Variants in SPTBN1 observed in about 807,000 individuals in gnomAD.
SPTBN1 encodes spectrin beta, non-erythrocytic 1, also known as spectrin beta chain, non-erythrocytic 1.
Under a neutral mutation model 266.4 loss-of-function variants are expected in SPTBN1, and 32 were observed. The ratio of observed to expected loss-of-function variants is 0.12; its 90% CI spans 0.09 to 0.16. SPTBN1 has a LOEUF of 0.16. Ranked by LOEUF, SPTBN1 falls within the 10% of genes least tolerant of loss-of-function variation. SPTBN1 has a pLI of 1.00. For missense variants in SPTBN1, 2,296 were observed against 3,067.1 expected (o/e 0.75, Z 5.94); for synonymous variants, 1,336 against 1,162.2 (o/e 1.15, Z -3.04).
chr2:54,656,006 T>A lies in SPTBN1; in HGVS notation c.6046+8T>A. Reference sequence around the variant, plus strand: ...GGGAATGGTTAAGACTGAGTAAGGATGTAGTTTATCTTTCTGCTCTTTTGG... The same window carrying A: ...GGGAATGGTTAAGACTGAGTAAGGAAGTAGTTTATCTTTCTGCTCTTTTGG... On this transcript the variant is annotated splice_region_variant and intron_variant, in intron 29 of 35. Coordinates refer to ENST00000356805, the MANE Select transcript of SPTBN1 (RefSeq NM_003128.3). 6.2e-7 allele frequency: 1 copy of A among 1,607,962 alleles called. No individual in the cohort carries two copies. The highest frequency in any genetic ancestry group is 1.3e-5 in the African/African-American group (1 of 74,930).
At chr2:54,576,636 C>T (rs746524216) in intron 2 of SPTBN1, among the ~76,000 whole-genome samples, 17 of 152,084 alleles carry the variant, frequency 1.1e-4, no homozygotes, top group African/African-American at 2.9e-4. Flanking sequence ...GAATAAGTGC[C>T]GTGGAAGAAG....
At chr2:54,583,978 A>G (rs1414162269) in intron 2 of SPTBN1, among the ~76,000 whole-genome samples, 1 of 152,254 alleles carries the variant, frequency 6.6e-6, no homozygotes, top group Non-Finnish European at 1.5e-5. Context: ...GAAAACCAGC[A>G]GTGTATTCAT....
rs773053788 is a variant in SPTBN1, at chr2:54,645,637, C to T, written c.4494+184C>T. ...TCACCCTAAATGTAACTCCATTGGT[C>T]CTCTCACGTTATCTAGGGATACTGT... On this transcript the variant is annotated intron_variant, in intron 21 of 35. Coordinates refer to ENST00000356805, the MANE Select transcript of SPTBN1 (RefSeq NM_003128.3). The surrounding 1 kb of genome is among the most constrained non-coding windows in gnomAD (Gnocchi z 4.3). Among the ~76,000 whole-genome samples the T allele has an allele frequency of 6.6e-6, 1 of 152,184 alleles. No homozygotes were observed. The highest frequency in any genetic ancestry group is 1.5e-5 in the Non-Finnish European group (1 of 68,036).
At chr2:54,561,674 T>A (rs975867795) in intron 2 of SPTBN1, among the ~76,000 whole-genome samples, 1 of 150,212 alleles carries the variant, frequency 6.7e-6, no homozygotes, top group African/African-American at 2.4e-5. Flanking sequence ...ATTTATAGTT[T>A]ATAAATTTAT....
chr2:54,487,200 T>TCA (rs34214801), intron 1 of SPTBN1, among the ~76,000 whole-genome samples: 28,590 of 144,032 alleles, frequency 0.2, 3,763 homozygotes, highest in East Asian at 0.37. Context: ...TGCTGCTTTT[T>TCA]AACTTTTTCA....
intron 29 of SPTBN1, among the ~76,000 whole-genome samples, chr2:54,656,452 T>G (rs977571310): frequency 2.6e-5 from 4 of 152,238 alleles, no homozygotes; most frequent in Admixed American, 6.5e-5. Flanking sequence ...TTTAATGTAT[T>G]TCTGTGTTTA....
chr2:54,579,824 G>C (rs1271486477), intron 2 of SPTBN1, among the ~76,000 whole-genome samples: 1 of 152,206 alleles, frequency 6.6e-6, no homozygotes, highest in African/African-American at 2.4e-5. Context: ...TAGTGAGAGA[G>C]AGAGATCCTA....
At chr2:54,496,572 G>A (rs1011101548) in intron 1 of SPTBN1, among the ~76,000 whole-genome samples, 2 of 151,812 alleles carry the variant, frequency 1.3e-5, no homozygotes, top group South Asian at 4.2e-4. Context: ...AGTTCTAGAT[G>A]TAAGTTCAGT....
At chr2:54,509,991 C>G (rs1417861597) in intron 1 of SPTBN1, among the ~76,000 whole-genome samples, 1 of 148,078 alleles carries the variant, frequency 6.8e-6, no homozygotes, top group Non-Finnish European at 1.5e-5. Flanking sequence ...AGGGGTCTCA[C>G]TCTGTCACCC....
chr2:54,558,061 C>G lies in SPTBN1; in HGVS notation c.148+31495C>G. 1 of 985,430 alleles carries G rather than the reference C, an allele frequency of 1.0e-6. No homozygotes were observed. The highest frequency in any genetic ancestry group is 1.2e-6 in the Non-Finnish European group (1 of 829,928). The allele number at this position is 985,430 out of a possible 1,614,324, so 61.0% of individuals were successfully genotyped here. A position where few individuals can be genotyped will look rare whatever the true frequency, so the allele number is the denominator to read the frequency against. ...CAGGCCGTCCCGTGGGCGCGCTAGC[C>G]TTTTCAAGTGATAGTAATCGGAGAC... On this transcript the variant is annotated intron_variant, in intron 2 of 35. Transcript: ENST00000356805. This position sits in a 1 kb window ranked among gnomAD's most constrained non-coding sequence, Gnocchi z 4.6.
Position 54,526,261 on chromosome 2 carries a change from C to T in SPTBN1, c.-47-111C>T, listed in dbSNP as rs1043782717. 18 of 837,080 alleles carry T rather than the reference C, an allele frequency of 2.2e-5. No homozygotes were observed. In the African/African-American group the frequency reaches 3.1e-4, roughly 14 times the overall value. The allele number at this position is 837,080 out of a possible 1,614,324, so 51.9% of individuals were successfully genotyped here. On this transcript the variant is annotated intron_variant, in intron 1 of 35. Coordinates refer to ENST00000356805, the MANE Select transcript of SPTBN1 (RefSeq NM_003128.3). ...TAAAACCAGCATTGCTCCAGAAGAC[C>T]TATTCTTGGCAAGCACTGTTTTTAT...
At chr2:54,572,946 C>G (rs1002596275) in intron 2 of SPTBN1, among the ~76,000 whole-genome samples, 1 of 152,126 alleles carries the variant, frequency 6.6e-6, no homozygotes, top group Non-Finnish European at 1.5e-5. Context: ...TGGGAAGGGG[C>G]TCTAGAAGCT....
rs576176044 is a variant in SPTBN1, at chr2:54,660,612, G to A, written c.6420+613G>A. On this transcript the variant is annotated intron_variant, in intron 32 of 35. Transcript: ENST00000356805. Reference sequence around the variant, plus strand: ...TTCATTTATTGAAGATGACAAAAAAGGGAGTCAGATATATTCTGGAAGCTA... The same window carrying A: ...TTCATTTATTGAAGATGACAAAAAAAGGAGTCAGATATATTCTGGAAGCTA... The A allele has an allele frequency of 3.0e-6, 3 of 985,514 alleles. No individual in the cohort carries two copies. The South Asian group carries it at 1.4e-4, about 46-fold the overall frequency. 61.0% of individuals were successfully genotyped at this position (985,514 alleles called of 1,614,324 possible).
intron 17 of SPTBN1, among the ~76,000 whole-genome samples, chr2:54,634,244 A>G (rs1678960538): frequency 6.6e-6 from 1 of 152,108 alleles, no homozygotes; most frequent in African/African-American, 2.4e-5. Flanking sequence ...TTATGTCCCC[A>G]GTGCTGCAAC....
At chr2:54,637,980 A>G (rs1679265929) in intron 18 of SPTBN1, among the ~76,000 whole-genome samples, 177 bp downstream of exon 18, 1 of 152,234 alleles carries the variant, frequency 6.6e-6, no homozygotes, top group African/African-American at 2.4e-5. Context: ...TACAAGGTAC[A>G]GCTTAATTAG....
At chr2:54,570,801 A>G (rs1280313570) in intron 2 of SPTBN1, among the ~76,000 whole-genome samples, 1 of 152,134 alleles carries the variant, frequency 6.6e-6, no homozygotes, top group East Asian at 1.9e-4. Context: ...TTTTATTTTT[A>G]TCTTTATTCT....
intron 2 of SPTBN1, among the ~76,000 whole-genome samples, chr2:54,530,405 C>T (rs1191033532): frequency 1.7e-5 from 2 of 115,258 alleles, no homozygotes; most frequent in African/African-American, 6.6e-5. Flanking sequence ...GTCGTCCAGG[C>T]TGGAGTGCAG....
chr2:54,669,461 CAT>C lies in SPTBN1; in HGVS notation c.*894_*895del. Reference sequence around the variant, plus strand: ...TGCTTCATTTCCTTGCTATTTGATACATAGTGTGCATTTCTCTGTCACTGTAA... The same window carrying C: ...TGCTTCATTTCCTTGCTATTTGATACAGTGTGCATTTCTCTGTCACTGTAA... On this transcript the variant is annotated 3_prime_UTR_variant, in exon 36 of 36. Transcript: ENST00000356805. 6.5e-6 allele frequency: 1 copy of C among 152,736 alleles called. No homozygotes were observed. Among genetic ancestry groups the C allele is most frequent in the Admixed American group, 6.5e-5 (1 of 15,298 alleles). 9.5% of individuals were successfully genotyped at this position (152,736 alleles called of 1,614,324 possible).
At chr2:54,605,957 C>T (rs1183278726) in intron 3 of SPTBN1, among the ~76,000 whole-genome samples, 3 of 152,152 alleles carry the variant, frequency 2.0e-5, no homozygotes, top group South Asian at 2.1e-4. Context: ...CTTCAACCTG[C>T]GTGAATGTGT....
Sources: allele counts gnomAD v4.1 joint callset (sites outside exome capture counted in the v4.1 genomes callset), GRCh38; gene constraint gnomAD v4.1.1; non-coding constraint Gnocchi (gnomAD v3.1); transcripts MANE v1.5; gene names NCBI Gene and HGNC (gene_info 2026-07-23, HGNC 2026-07-21).